NUMA1: variants seen among roughly 807,000 people sequenced by gnomAD.
The protein encoded by NUMA1 is SP-H antigen.
Under a neutral mutation model 237.1 loss-of-function variants are expected in NUMA1, and 62 were observed. That is an observed-to-expected ratio of 0.26 (90% CI 0.21 to 0.32). The LOEUF (loss-of-function observed/expected upper bound fraction) is 0.32. NUMA1 is among the 10% of genes least tolerant of loss of function. The pLI is 1.00. For synonymous variants in NUMA1, 1,028 were observed against 1,066.1 expected (o/e 0.96, Z 0.70); for missense variants, 2,533 against 2,666.5 (o/e 0.95, Z 1.10).
Position 72,013,858 on chromosome 11 carries a change from C to T in NUMA1, c.3645G>A (p.Arg1215=), listed in dbSNP as rs1297983259. 1 of 1,613,576 alleles carries T rather than the reference C, an allele frequency of 6.2e-7. No homozygotes were observed. Among genetic ancestry groups the T allele is most frequent in the South Asian group, 1.1e-5 (1 of 91,092 alleles). Residue 1215 remains arginine (R), a synonymous_variant, in exon 15 of 27, where the codon CGG becomes CGA. Coordinates refer to ENST00000393695, the MANE Select transcript of NUMA1 (RefSeq NM_006185.4). The surrounding 1 kb of genome is among the most constrained non-coding windows in gnomAD (Gnocchi z 6.8). ...AEDEWKAQVA[R]GRQEAERKNS... is the part of the protein sequence containing the mutation. ...TTTTCCTCTCAGCCTCTTGCCGGCC[C>T]CGGGCCACCTGGGCCTTCCACTCAT...
At chr11:72,071,120 C>T (rs977290196) in intron 1 of NUMA1, among the ~76,000 whole-genome samples, 1 of 152,220 alleles carries the variant, frequency 6.6e-6, no homozygotes. Flanking sequence ...GCCCAAATCA[C>T]AGCTTATCTA....
At chr11:72,019,705 C>T in intron 8 of NUMA1, 88 bp from the exon 9 acceptor site, 1 of 1,420,576 alleles carries the variant, frequency 7.0e-7, no homozygotes, top group Non-Finnish European at 9.7e-7. Flanking sequence ...GAGAACTCGC[C>T]TTAGTGGGAG....
rs554087541 is a variant in NUMA1 at position 72,032,560 on chromosome 11, T to A, written c.43-3270A>T. 3.0e-4 allele frequency among the ~76,000 whole-genome samples: 46 copies of A among 152,350 alleles called. No homozygotes were observed. In the South Asian group the frequency reaches 9.1e-3, roughly 30 times the overall value. The stretch of plus-strand genomic sequence containing the variant: ...ATCACATATACCAATTAAGTAATAA[T>A]CCAGCCACAGTTCCTTTCATGGATA... On this transcript the variant is annotated intron_variant, in intron 3 of 26. Transcript: ENST00000393695.
At position 72,016,107 on chromosome 11, in the gene NUMA1, T is replaced by G. The variant is rs200749852; in HGVS notation, c.1396A>C (p.Ser466Arg). 325 of 1,614,088 alleles carry G rather than the reference T, an allele frequency of 2.0e-4. 2 individuals are homozygous for G. Among genetic ancestry groups the G allele is most frequent in the Admixed American group, 1.4e-3 (83 of 60,010 alleles). ...GAGCTCTGCAGGTCAGTGATCAGGC[T>G]AGACAGCTGCTGCTTTTCTTCTTCG... ...HFEEEKQQLSSLITDLQSSIS... is the reference protein window; with the variant it reads ...HFEEEKQQLSRLITDLQSSIS... Residue 466 changes from serine to arginine, a missense_variant, in exon 15 of 27, where the codon AGC (serine) becomes CGC (arginine). Coordinates refer to ENST00000393695, the MANE Select transcript of NUMA1 (RefSeq NM_006185.4).
At chr11:72,059,765 T>C in intron 2 of NUMA1, among the ~76,000 whole-genome samples, 1 of 152,256 alleles carries the variant, frequency 6.6e-6, no homozygotes, top group Non-Finnish European at 1.5e-5. Flanking sequence ...ATACCAATAA[T>C]TAGAATTAAT....
At chr11:72,063,459 C>A (rs767027743) in intron 2 of NUMA1, among the ~76,000 whole-genome samples, 2 of 151,502 alleles carry the variant, frequency 1.3e-5, no homozygotes, top group Non-Finnish European at 2.9e-5. Flanking sequence ...TTTGAGAGGC[C>A]GAGGCAGGAT....
At chr11:72,044,331 G>A (rs1227781111) in intron 2 of NUMA1, among the ~76,000 whole-genome samples, 1 of 152,038 alleles carries the variant, frequency 6.6e-6, no homozygotes, top group Non-Finnish European at 1.5e-5. Context: ...AGCATGTAAG[G>A]CATAGGATGG....
At chr11:72,005,118 T>TC (rs890955453) in intron 23 of NUMA1, 115 bp downstream of exon 23, 2 of 1,198,654 alleles carry the variant, frequency 1.7e-6, no homozygotes, top group African/African-American at 3.1e-5. Flanking sequence ...AAGGTCACCC[T>TC]CCCCCTCCTC....
intron 2 of NUMA1, among the ~76,000 whole-genome samples, chr11:72,044,690 T>TG (rs1463697332): frequency 3.4e-5 from 5 of 146,480 alleles, no homozygotes; most frequent in Non-Finnish European, 7.5e-5. Context: ...TTTTTTGAGA[T>TG]GGAGTCTTGC....
At chr11:72,063,328 G>A (rs1050350325) in intron 2 of NUMA1, among the ~76,000 whole-genome samples, 2 of 152,146 alleles carry the variant, frequency 1.3e-5, no homozygotes, top group Non-Finnish European at 2.9e-5. Context: ...AGGCTGTGGT[G>A]AGCTGTGATC....
chr11:72,031,364 T>A (rs1940286872), intron 3 of NUMA1, among the ~76,000 whole-genome samples: 1 of 152,038 alleles, frequency 6.6e-6, no homozygotes, highest in Admixed American at 6.6e-5. Flanking sequence ...ATTAAAATAA[T>A]GAAGTAGACA....
chr11:72,052,960 G>A (rs1942449507), intron 2 of NUMA1, among the ~76,000 whole-genome samples: 1 of 152,158 alleles, frequency 6.6e-6, no homozygotes. Flanking sequence ...CAGGAGGAAG[G>A]CAATAGAGCA....
chr11:72,054,821 C>G (rs1280791111), intron 2 of NUMA1, among the ~76,000 whole-genome samples: 2 of 152,156 alleles, frequency 1.3e-5, no homozygotes, highest in Non-Finnish European at 2.9e-5. Context: ...GATCTGGGCT[C>G]CATTTGGAAG....
chr11:72,033,640 G>A (rs1334878276), intron 3 of NUMA1, among the ~76,000 whole-genome samples: 1 of 152,130 alleles, frequency 6.6e-6, no homozygotes, highest in Admixed American at 6.5e-5. Context: ...CCAAAGTGCT[G>A]GCATTACAGG....
chr11:72,076,237 G>A (rs1006123202), intron 1 of NUMA1, among the ~76,000 whole-genome samples: 2 of 151,842 alleles, frequency 1.3e-5, no homozygotes, highest in African/African-American at 4.8e-5. Flanking sequence ...TGCCGGGTAT[G>A]GTGGTGTGCA....
chr11:72,068,713 G>C (rs745772055), intron 2 of NUMA1: 5 of 152,132 alleles, frequency 3.3e-5, no homozygotes, highest in Non-Finnish European at 7.4e-5. Flanking sequence ...AAAGGAAAGT[G>C]ACTTGTTTTC....
At chr11:72,079,625 C>T (rs1247442447) in intron 1 of NUMA1, among the ~76,000 whole-genome samples, 1 of 151,966 alleles carries the variant, frequency 6.6e-6, no homozygotes, top group African/African-American at 2.4e-5. Flanking sequence ...AGTGGGCTCC[C>T]GCCCACCCAC....
Position 72,018,165 on chromosome 11 carries a change from C to T in NUMA1, c.978+18G>A, listed in dbSNP as rs756288409. The T allele has an allele frequency of 6.3e-7, 1 of 1,581,890 alleles. No individual in the cohort carries two copies. Among genetic ancestry groups the T allele is most frequent in the Admixed American group, 1.7e-5 (1 of 59,984 alleles). On this transcript the variant is annotated intron_variant, in intron 12 of 26. Coordinates refer to ENST00000393695, the MANE Select transcript of NUMA1 (RefSeq NM_006185.4). ...CAGCCCTGAGGGGCCTCCATGCACA[C>T]ACCACCTTAACACCCACCTTAAAGG...
chr11:72,007,278 A>T lies in NUMA1; in HGVS notation c.5374T>A (p.Ser1792Thr). The T allele has an allele frequency of 6.2e-7, 1 of 1,613,288 alleles. No homozygotes were observed. The highest frequency in any genetic ancestry group is 2.2e-5 in the East Asian group (1 of 44,836). ...SQAPLESSLD[S>T]LGDVFLDSGR... ...GAGTCCAGGAAGACGTCTCCCAGGG[A>T]GTCCAGGCTGCTCTCCAGGGGGGCC... is the stretch of plus-strand genomic sequence containing the variant. The change falls in exon 21 of 27, where the codon TCC (serine) becomes ACC (threonine). Residue 1792 changes from serine (S) to threonine (T), a missense_variant. By Grantham distance (58) the Ser-to-Thr change is moderately conservative (BLOSUM62 1). This residue lies in a region of NUMA1 where 795 missense variants were observed against 750.8 expected (regional missense o/e 1.06). Transcript: ENST00000393695.
Sources: gnomAD v4.1 joint callset for allele counts (sites outside exome capture counted in the v4.1 genomes callset) on GRCh38, gnomAD v4.1.1 for gene constraint, gnomAD v4.1.1 regional missense constraint, Gnocchi (gnomAD v3.1) non-coding constraint, MANE v1.5 for transcripts, NCBI Gene and HGNC (gene_info 2026-07-23, HGNC 2026-07-21) for gene names.